SFI1: variants seen among roughly 807,000 people sequenced by gnomAD.
SFI1 encodes protein SFI1 homolog.
SFI1 carries 195 observed loss-of-function variants against 207.5 expected under a neutral mutation model. The ratio of observed to expected loss-of-function variants is 0.94; its 90% CI spans 0.84 to 1.06. SFI1 has a LOEUF of 1.06. Ranked by LOEUF, SFI1 falls within the 50% of genes least tolerant of loss-of-function variation. SFI1 has a pLI of 0.00. For missense variants in SFI1, 1,634 were observed against 1,588.0 expected (o/e 1.03, Z -0.49); for synonymous variants, 630 against 598.9 (o/e 1.05, Z -0.76).
intron 8 of SFI1, among the ~76,000 whole-genome samples, chr22:31,568,165 ATGTGTGTGTGTG>A (rs751455847): frequency 3.4e-5 from 4 of 118,998 alleles, no homozygotes; most frequent in African/African-American, 1.3e-4. Flanking sequence ...CTATATATAT[ATGTGTGTGTGTG>A]TGTGTGTGTG....
intron 14 of SFI1, among the ~76,000 whole-genome samples, chr22:31,585,743 C>T (rs548860417): frequency 2.6e-5 from 4 of 152,262 alleles, no homozygotes; most frequent in African/African-American, 4.8e-5. Context: ...CTTACAAGCC[C>T]GTTCTACCAA....
rs548460787 is a variant in SFI1, at chr22:31,602,070, C to T, written c.1545-142C>T. On this transcript the variant is annotated intron_variant, in intron 15 of 32. Coordinates refer to ENST00000400288, the MANE Select transcript of SFI1 (RefSeq NM_001007467.3). ...AAAGTATTAGGATTGCAGACATGGG[C>T]CACTGTGCCCAGCCACTTAATTCAC... 7.1e-6 allele frequency: 5 copies of T among 707,152 alleles called. No homozygotes were observed. The East Asian group carries it at 1.0e-4, about 15-fold the overall frequency. The allele number at this position is 707,152 out of a possible 1,614,324, so 43.8% of individuals were successfully genotyped here. A position where few individuals can be genotyped will look rare whatever the true frequency, so the allele number is the denominator to read the frequency against.
At chr22:31,505,337 G>T (rs1405752402) in intron 1 of SFI1, among the ~76,000 whole-genome samples, 1 of 152,116 alleles carries the variant, frequency 6.6e-6, no homozygotes, top group Non-Finnish European at 1.5e-5. Context: ...TACATGGGAG[G>T]CTGAAGCAGG....
chr22:31,497,819 G>A (rs936789659), intron 1 of SFI1, among the ~76,000 whole-genome samples: 2 of 152,076 alleles, frequency 1.3e-5, no homozygotes, highest in African/African-American at 4.8e-5. Context: ...GAGACCTACT[G>A]TTCAGAAAAA....
At position 31,612,012 on chromosome 22, in the gene SFI1, C is replaced by T. The variant is rs370025008; in HGVS notation, c.2490+172C>T. Reference sequence around the variant, plus strand: ...TGTCATTTCCAGGCACATCAGCTTCCTTCCGTCTGCAGTCTGCATAAGAAC... The same window carrying T: ...TGTCATTTCCAGGCACATCAGCTTCTTTCCGTCTGCAGTCTGCATAAGAAC... On this transcript the variant is annotated intron_variant, in intron 24 of 32. Coordinates refer to ENST00000400288, the MANE Select transcript of SFI1 (RefSeq NM_001007467.3). 3.1e-5 allele frequency: 44 copies of T among 1,412,960 alleles called. No homozygotes were observed. In the East Asian group the frequency reaches 1.1e-3, roughly 35 times the overall value. 87.5% of individuals were successfully genotyped at this position (1,412,960 alleles called of 1,614,324 possible). A position where few individuals can be genotyped will look rare whatever the true frequency, so the allele number is the denominator to read the frequency against.
At chr22:31,548,540 G>A (rs1211145119) in intron 5 of SFI1, among the ~76,000 whole-genome samples, 1 of 151,986 alleles carries the variant, frequency 6.6e-6, no homozygotes, top group Non-Finnish European at 1.5e-5. Context: ...CTACTCGGAA[G>A]GTTGAGACAG....
At chr22:31,604,974 C>T (rs1277170660) in intron 20 of SFI1, 29 bp downstream of exon 20, 2 of 1,561,750 alleles carry the variant, frequency 1.3e-6, no homozygotes, top group Non-Finnish European at 8.7e-7. Flanking sequence ...TCCCAAGCTC[C>T]AGCTGGGGAA....
Position 31,546,952 on chromosome 22 carries a change from C to T in SFI1, c.430C>T (p.Arg144Ter), listed in dbSNP as rs200364231. The stretch of plus-strand genomic sequence containing the variant: ...CCAGCACGAGTGGAAACTCTGTGTT[C>T]GAGCTGACTGTCACTACAGGTCAGG... ...VFQHEWKLCV[R>*]ADCHYRYYLY... is the part of the protein sequence containing the mutation. The change falls in exon 5 of 33, where the codon CGA (arginine) becomes TGA (stop). Residue 144 changes from arginine to a stop codon, truncating the protein, a stop_gained. Coordinates refer to ENST00000400288, the MANE Select transcript of SFI1 (RefSeq NM_001007467.3). LOFTEE classifies it high-confidence loss of function. 1.1e-4 allele frequency: 178 copies of T among 1,609,726 alleles called. 1 individual carries two copies. Among genetic ancestry groups the T allele is most frequent in the Non-Finnish European group, 9.2e-5 (108 of 1,177,758 alleles).
At chr22:31,503,026 G>A (rs2054046562) in intron 1 of SFI1, among the ~76,000 whole-genome samples, 1 of 129,588 alleles carries the variant, frequency 7.7e-6, no homozygotes, top group Non-Finnish European at 1.5e-5. Context: ...CTGCACTGCA[G>A]CCTGGGCAAC....
chr22:31,533,774 T>G (rs1027056257), intron 4 of SFI1, among the ~76,000 whole-genome samples: 1 of 152,160 alleles, frequency 6.6e-6, no homozygotes, highest in Non-Finnish European at 1.5e-5. Flanking sequence ...AAATAAATTT[T>G]TTTGCTCTGC....
At position 31,611,182 on chromosome 22, in the gene SFI1, G is replaced by A; in HGVS notation, c.2294G>A (p.Ser765Asn). Residue 765 changes from serine to asparagine, a missense_variant, in exon 23 of 33, where the codon AGC (serine) becomes AAC (asparagine). By Grantham distance (46) the Ser-to-Asn change is conservative. Transcript: ENST00000400288. ...TGGTTTCAGCGCTGGTGGGACTGCA[G>A]CCGGAGGTCAGCCCAGCAGAGACTG... The part of the protein sequence containing the change: ...RTWFQRWWDC[S>N]RRSAQQRLQL... 1 of 1,614,158 alleles carries A rather than the reference G, an allele frequency of 6.2e-7. No homozygotes were observed. The highest frequency in any genetic ancestry group is 1.3e-5 in the African/African-American group (1 of 75,064).
chr22:31,604,444 CAG>C (rs761549116), intron 19 of SFI1, 40 bp downstream of exon 19: 38 of 1,439,630 alleles, frequency 2.6e-5, no homozygotes, highest in East Asian at 5.1e-5. Context: ...GCTGTGGGGA[CAG>C]GGGAGGTTTC....
chr22:31,564,390 G>A (rs1318567906), intron 8 of SFI1, among the ~76,000 whole-genome samples: 1 of 148,672 alleles, frequency 6.7e-6, no homozygotes, highest in African/African-American at 2.5e-5. Context: ...GATTTAAAAG[G>A]TGTTAGCATT....
chr22:31,606,472 G>C (rs1175845051), intron 21 of SFI1, 42 bp downstream of exon 21: 1 of 1,551,032 alleles, frequency 6.4e-7, no homozygotes, highest in Non-Finnish European at 8.9e-7. Context: ...GGAGAGTTGG[G>C]ACTGTGTTCT....
intron 5 of SFI1, among the ~76,000 whole-genome samples, 195 bp downstream of exon 5, chr22:31,547,166 G>C (rs889237257): frequency 6.6e-6 from 1 of 151,764 alleles, no homozygotes; most frequent in Non-Finnish European, 1.5e-5. Context: ...CGTGCACACA[G>C]ACACACACAC....
At chr22:31,587,995 A>C (rs765061099) in intron 14 of SFI1, 2 of 152,160 alleles carry the variant, frequency 1.3e-5, no homozygotes, top group East Asian at 3.9e-4. Flanking sequence ...TACTGATCCA[A>C]TTATCTATTG....
intron 8 of SFI1, among the ~76,000 whole-genome samples, chr22:31,563,972 T>C (rs1192349535): frequency 6.6e-6 from 1 of 152,030 alleles, no homozygotes; most frequent in Non-Finnish European, 1.5e-5. Flanking sequence ...TAATTTAAAA[T>C]TTAAAATTAA....
chr22:31,569,096 G>A (rs745863610), intron 8 of SFI1, among the ~76,000 whole-genome samples: 17 of 152,064 alleles, frequency 1.1e-4, no homozygotes, highest in Non-Finnish European at 1.0e-4. Context: ...GAAACCAGAG[G>A]GTTAATGAGA....
intron 10 of SFI1, among the ~76,000 whole-genome samples, chr22:31,575,713 C>T (rs2063408888): frequency 6.6e-6 from 1 of 152,182 alleles, no homozygotes; most frequent in South Asian, 2.1e-4. Context: ...TCCCACTTTC[C>T]TGATTCACAT....
Sources: allele counts gnomAD v4.1 joint callset (sites outside exome capture counted in the v4.1 genomes callset), GRCh38; gene constraint gnomAD v4.1.1; transcripts MANE v1.5; gene names NCBI Gene and HGNC (gene_info 2026-07-23, HGNC 2026-07-21).